The following GCNT2 variants were observed in gnomAD, a reference collection of about 807,000 sequenced individuals.
GCNT2 encodes glucosaminyl (N-acetyl) transferase 2 (I blood group), also known as N-acetyllactosaminide beta-1,6-N-acetylglucosaminyl-transferase.
In GCNT2, 34 loss-of-function variants were observed where a neutral mutation model predicts 34.2. The ratio of observed to expected loss-of-function variants is 1.00; its 90% CI spans 0.76 to 1.32. GCNT2 has a LOEUF of 1.32. GCNT2 is among the 40% of genes most tolerant of loss of function. The pLI, the probability that GCNT2 is intolerant of heterozygous loss-of-function variation, is 0.00. For missense variants in GCNT2, 584 were observed against 489.4 expected (o/e 1.19, Z -1.82); for synonymous variants, 212 against 188.0 (o/e 1.13, Z -1.04).
chr6:10,603,020 A>G (rs2127429090), intron 3 of GCNT2, among the ~76,000 whole-genome samples: 1 of 152,378 alleles, frequency 6.6e-6, no homozygotes, highest in African/African-American at 2.4e-5. Flanking sequence ...CAAGCTGTGA[A>G]CAAACACATC....
At chr6:10,586,260 G>C (rs772296730) in intron 3 of GCNT2, 9 of 1,614,198 alleles carry the variant, frequency 5.6e-6, no homozygotes, top group South Asian at 1.1e-5. Context: ...CCTGTCGGAA[G>C]AAGAGGCTGC....
chr6:10,563,765 AAAAAAAAAAAAAAT>A (rs1561802651), intron 3 of GCNT2, among the ~76,000 whole-genome samples: 3 of 63,582 alleles, frequency 4.7e-5, no homozygotes, highest in African/African-American at 1.4e-4. Context: ...AGAAAAAAAA[AAAAAAAAAAAAAAT>A]ATATATATAT....
intron 3 of GCNT2, among the ~76,000 whole-genome samples, chr6:10,588,904 G>GTGTGTT (rs763963079): frequency 6.6e-5 from 7 of 106,406 alleles, no homozygotes; most frequent in East Asian, 2.9e-4. Context: ...TGTGTTGTGT[G>GTGTGTT]GTGTGTGTGT....
chr6:10,553,046 T>C (rs929054432), intron 3 of GCNT2, among the ~76,000 whole-genome samples: 3 of 152,196 alleles, frequency 2.0e-5, no homozygotes, highest in Admixed American at 2.0e-4. Context: ...CAACTTTACA[T>C]GTCTAGTGTT....
chr6:10,612,078 C>G (rs1010684987), intron 3 of GCNT2, among the ~76,000 whole-genome samples: 1 of 151,936 alleles, frequency 6.6e-6, no homozygotes, highest in African/African-American at 2.4e-5. Context: ...CCTCTGCCTC[C>G]TGGGTTGGAG....
chr6:10,559,723 G>T (rs750978344), intron 3 of GCNT2, among the ~76,000 whole-genome samples: 1 of 152,240 alleles, frequency 6.6e-6, no homozygotes, highest in Non-Finnish European at 1.5e-5. Flanking sequence ...GCCTGGAGAG[G>T]AAGGCCATTG....
chr6:10,526,247 A>G (rs1761179308), intron 1 of GCNT2, among the ~76,000 whole-genome samples: 1 of 152,196 alleles, frequency 6.6e-6, no homozygotes, highest in African/African-American at 2.4e-5. Context: ...GGGGCCCTAT[A>G]GGCACAACTG....
chr6:10,566,948 A>G (rs548503364), intron 3 of GCNT2, among the ~76,000 whole-genome samples: 1 of 152,308 alleles, frequency 6.6e-6, no homozygotes, highest in Admixed American at 6.5e-5. Flanking sequence ...AAAGGACTGT[A>G]TATGTCTATC....
chr6:10,615,473 C>T (rs766510596), intron 3 of GCNT2, among the ~76,000 whole-genome samples: 1 of 152,032 alleles, frequency 6.6e-6, no homozygotes, highest in East Asian at 1.9e-4. Flanking sequence ...CATCACAACA[C>T]CCAGCTAATT....
At chr6:10,521,654 GTTT>G (rs147900266) in intron 1 of GCNT2, 2 of 147,140 alleles carry the variant, frequency 1.4e-5, no homozygotes, top group Non-Finnish European at 3.0e-5. Context: ...GTTTTCAAAG[GTTT>G]TTTTTTTTTC....
chr6:10,551,747 T>G (rs1319673389), intron 3 of GCNT2, among the ~76,000 whole-genome samples: 2 of 148,392 alleles, frequency 1.3e-5, no homozygotes, highest in East Asian at 4.1e-4. Context: ...CTGGCTATTT[T>G]TTTTTATTTT....
chr6:10,563,777 A>AATATATATAT (rs70991026), intron 3 of GCNT2, among the ~76,000 whole-genome samples: 77 of 24,698 alleles, frequency 3.1e-3, no homozygotes, highest in Non-Finnish European at 4.1e-3. Context: ...AAAAAAAAAA[A>AATATATATAT]ATATATATAT....
chr6:10,570,996 A>C (rs1228016910), intron 3 of GCNT2, among the ~76,000 whole-genome samples: 3 of 152,234 alleles, frequency 2.0e-5, no homozygotes, highest in African/African-American at 7.2e-5. Context: ...CCATAAAAAC[A>C]GCCTCCTCTT....
intron 3 of GCNT2, among the ~76,000 whole-genome samples, chr6:10,535,098 C>T (rs1397449831): frequency 6.6e-6 from 1 of 152,066 alleles, no homozygotes; most frequent in Non-Finnish European, 1.5e-5. Flanking sequence ...GCAGGAGAAT[C>T]GCTTGAACCT....
chr6:10,619,840 C>A (rs1403706241), intron 3 of GCNT2, among the ~76,000 whole-genome samples: 1 of 152,184 alleles, frequency 6.6e-6, no homozygotes, highest in Non-Finnish European at 1.5e-5. Flanking sequence ...GCTCTGAATA[C>A]AATCCATTTC....
intron 3 of GCNT2, among the ~76,000 whole-genome samples, chr6:10,555,151 C>T (rs1282389109): frequency 6.6e-6 from 1 of 152,024 alleles, no homozygotes; most frequent in East Asian, 1.9e-4. Flanking sequence ...GGTTGAGGCA[C>T]GGAGTTGTTT....
chr6:10,553,560 C>T (rs1279637747), intron 3 of GCNT2, among the ~76,000 whole-genome samples: 2 of 152,152 alleles, frequency 1.3e-5, no homozygotes, highest in East Asian at 3.8e-4. Context: ...ACTCTCTTTC[C>T]TTTGGAGCTA....
intron 3 of GCNT2, chr6:10,557,105 A>G: frequency 6.4e-7 from 1 of 1,568,110 alleles, no homozygotes; most frequent in Middle Eastern, 1.7e-4. Context: ...TGGACGGACT[A>G]AATATGTCCA....
At chr6:10,623,121 T>A (rs1766111924) in intron 4 of GCNT2, among the ~76,000 whole-genome samples, 1 of 152,038 alleles carries the variant, frequency 6.6e-6, no homozygotes, top group East Asian at 1.9e-4. Flanking sequence ...TCTCTACAAC[T>A]CTCCATTACA....
Sources: gnomAD v4.1 joint callset for allele counts (sites outside exome capture counted in the v4.1 genomes callset) on GRCh38, gnomAD v4.1.1 for gene constraint, MANE v1.5 for transcripts, NCBI Gene and HGNC (gene_info 2026-07-23, HGNC 2026-07-21) for gene names.